Variants in DGKB observed in about 807,000 individuals in gnomAD.
DGKB encodes diacylglycerol kinase beta.
In DGKB, 67 loss-of-function variants were observed where a neutral mutation model predicts 114.3. That is an observed-to-expected ratio of 0.59 (90% CI 0.48 to 0.72). The LOEUF (loss-of-function observed/expected upper bound fraction) is 0.72. Among genes scored for constraint, DGKB ranks in the 30% least tolerant of loss-of-function variants. The probability of loss-of-function intolerance (pLI) is 0.00; values close to 1 mark genes in which losing one functional copy is unlikely to be tolerated. For missense variants in DGKB, 907 were observed against 975.2 expected (o/e 0.93, Z 0.93); for synonymous variants, 398 against 323.1 (o/e 1.23, Z -2.49).
intron 21 of DGKB, among the ~76,000 whole-genome samples, chr7:14,383,582 T>A (rs1280160429): frequency 1.3e-5 from 2 of 152,216 alleles, no homozygotes; most frequent in Non-Finnish European, 2.9e-5. Context: ...TCTAACCTCA[T>A]GATCCAAAGT....
At chr7:14,876,294 T>A (rs1444648758) in intron 1 of DGKB, among the ~76,000 whole-genome samples, 1 of 152,184 alleles carries the variant, frequency 6.6e-6, no homozygotes, top group Non-Finnish European at 1.5e-5. Flanking sequence ...AAAGGAGATA[T>A]AAATATGACT....
chr7:14,260,109 A>AACAC (rs72000049), intron 23 of DGKB, among the ~76,000 whole-genome samples: 6 of 143,298 alleles, frequency 4.2e-5, no homozygotes, highest in East Asian at 2.2e-4. Flanking sequence ...CACACACATG[A>AACAC]ACACACACAC....
At chr7:14,288,219 GTTTT>G (rs57856236) in intron 23 of DGKB, among the ~76,000 whole-genome samples, 1 of 106,328 alleles carries the variant, frequency 9.4e-6, no homozygotes, top group Non-Finnish European at 1.8e-5. Flanking sequence ...TTGATAATCT[GTTTT>G]TTTTTTTTTA....
intron 21 of DGKB, among the ~76,000 whole-genome samples, chr7:14,455,033 A>G (rs1244181407): frequency 1.3e-5 from 2 of 152,058 alleles, no homozygotes; most frequent in African/African-American, 4.8e-5. Context: ...ATATGACATC[A>G]GAAGTGTCTC....
chr7:14,559,587 T>C (rs1475754032), intron 20 of DGKB, among the ~76,000 whole-genome samples: 1 of 152,236 alleles, frequency 6.6e-6, no homozygotes, highest in Non-Finnish European at 1.5e-5. Context: ...TACTATACAA[T>C]TTATTTTTAG....
intron 14 of DGKB, among the ~76,000 whole-genome samples, chr7:14,627,916 C>A (rs930086696): frequency 6.7e-6 from 1 of 149,958 alleles, no homozygotes; most frequent in Non-Finnish European, 1.5e-5. Context: ...GTACTCCAGC[C>A]TGGGAGACAG....
chr7:14,178,518 A>G (rs1357275603), intron 23 of DGKB, among the ~76,000 whole-genome samples: 5 of 152,196 alleles, frequency 3.3e-5, no homozygotes, highest in African/African-American at 1.2e-4. Context: ...TTTGGCAGCA[A>G]ATACACATTT....
upstream of DGKB, among the ~76,000 whole-genome samples, chr7:14,907,365 T>A (rs1026298643): frequency 6.6e-6 from 1 of 152,164 alleles, no homozygotes; most frequent in African/African-American, 2.4e-5. Flanking sequence ...CCCAGCTAGG[T>A]TAATTACTGG....
chr7:14,727,321 A>C (rs796763156), intron 5 of DGKB, among the ~76,000 whole-genome samples: 1 of 152,150 alleles, frequency 6.6e-6, no homozygotes. Context: ...TAAAGGAGAG[A>C]CTTGAAGAGA....
chr7:14,741,780 G>A lies in DGKB; in HGVS notation c.169-5586C>T, dbSNP rs73064722. On this transcript the variant is annotated intron_variant, in intron 4 of 25. Coordinates refer to ENST00000402815, the MANE Select transcript of DGKB (RefSeq NM_001350709.2). ...TGGGGCTTGTTGGTTTCACCTGTAA[G>A]GTTACTGTTGGTAAAGTTCAAAAGC... Among the ~76,000 whole-genome samples, 237 of 152,254 alleles carry A rather than the reference G, an allele frequency of 1.6e-3. 1 individual carries two copies. The Middle Eastern group carries it at 0.02, about 13-fold the overall frequency.
At chr7:14,893,497 T>G (rs1297570757) in intron 1 of DGKB, among the ~76,000 whole-genome samples, 4 of 151,328 alleles carry the variant, frequency 2.6e-5, no homozygotes, top group Non-Finnish European at 4.4e-5. Context: ...TAAAATTACC[T>G]CCTTTTTCAC....
chr7:14,448,238 A>G (rs12538874), intron 21 of DGKB, among the ~76,000 whole-genome samples: 13,951 of 152,082 alleles, frequency 0.092, 766 homozygotes, highest in East Asian at 0.22. Flanking sequence ...TGGAAGAGAA[A>G]GATACTTAGG....
At chr7:14,160,565 G>A (rs896342197) in intron 25 of DGKB, among the ~76,000 whole-genome samples, 1 of 152,204 alleles carries the variant, frequency 6.6e-6, no homozygotes, top group African/African-American at 2.4e-5. Context: ...TACAAGGGAT[G>A]TGAAGGGCCT....
At chr7:14,390,814 A>G (rs1208068359) in intron 21 of DGKB, among the ~76,000 whole-genome samples, 2 of 152,226 alleles carry the variant, frequency 1.3e-5, no homozygotes, top group Non-Finnish European at 2.9e-5. Flanking sequence ...AAATATAATT[A>G]TTTAGATAAA....
intron 20 of DGKB, among the ~76,000 whole-genome samples, chr7:14,535,536 T>A (rs943190486): frequency 2.6e-5 from 4 of 151,926 alleles, no homozygotes; most frequent in African/African-American, 7.2e-5. Context: ...CAGAAAAAAA[T>A]GAAATAAAGA....
chr7:14,863,574 T>G (rs542964075), intron 1 of DGKB, among the ~76,000 whole-genome samples: 1 of 152,054 alleles, frequency 6.6e-6, no homozygotes, highest in African/African-American at 2.4e-5. Flanking sequence ...GCTACCTAAA[T>G]AAGAATGCTG....
chr7:14,718,404 A>C (rs764565927), intron 6 of DGKB, 138 bp downstream of exon 6: 39 of 636,856 alleles, frequency 6.1e-5, no homozygotes, highest in Non-Finnish European at 9.2e-5. Flanking sequence ...CAGCAGGAGG[A>C]AATTTTTACT....
intron 21 of DGKB, among the ~76,000 whole-genome samples, chr7:14,407,042 G>T (rs1339020181): frequency 6.6e-6 from 1 of 152,082 alleles, no homozygotes; most frequent in Non-Finnish European, 1.5e-5. Flanking sequence ...GAGGTCTATA[G>T]AAGGTCAAAC....
At chr7:14,212,082 T>C (rs1240040180) in intron 23 of DGKB, among the ~76,000 whole-genome samples, 1 of 7,500 alleles carries the variant, frequency 1.3e-4, no homozygotes, top group African/African-American at 4.1e-4. Flanking sequence ...TACTCTCATG[T>C]TTTGTGATTT....
Sources: allele counts gnomAD v4.1 joint callset (sites outside exome capture counted in the v4.1 genomes callset), GRCh38; gene constraint gnomAD v4.1.1; transcripts MANE v1.5; gene names NCBI Gene and HGNC (gene_info 2026-07-23, HGNC 2026-07-21).